The following JAZF1 variants were observed in gnomAD, a reference collection of about 807,000 sequenced individuals.
JAZF1 encodes the protein JAZF zinc finger 1, also known as juxtaposed with another zinc finger protein 1.
Under a neutral mutation model 26.4 loss-of-function variants are expected in JAZF1, and 8 were observed. The observed-to-expected ratio is 0.30, with a 90% CI of 0.18 to 0.55. The LOEUF is 0.55. Among genes scored for constraint, JAZF1 ranks in the 20% least tolerant of loss-of-function variants. The pLI is 0.94. For missense variants in JAZF1, 199 were observed against 322.0 expected, an observed-to-expected ratio of 0.62 and a Z score of 2.92; for synonymous variants, 126 against 122.3, an observed-to-expected ratio of 1.03 and a Z score of -0.20.
At chr7:27,977,332 C>T (rs769001567) in intron 2 of JAZF1, among the ~76,000 whole-genome samples, 5 of 152,150 alleles carry the variant, frequency 3.3e-5, no homozygotes, top group African/African-American at 7.2e-5. Context: ...AAGCCCAAAA[C>T]GTTTCCCAAG....
intron 2 of JAZF1, among the ~76,000 whole-genome samples, chr7:27,980,282 C>T (rs1047660967): frequency 2.6e-5 from 4 of 152,130 alleles, no homozygotes; most frequent in East Asian, 3.9e-4. Context: ...AGAGGCTGTA[C>T]GACACATAGC....
chr7:27,877,237 C>T (rs1353335391), intron 3 of JAZF1, among the ~76,000 whole-genome samples: 1 of 152,202 alleles, frequency 6.6e-6, no homozygotes, highest in Non-Finnish European at 1.5e-5. Flanking sequence ...AAAAATGAAG[C>T]CTGCCCATGG....
At position 27,832,906 on chromosome 7, in the gene JAZF1, T is replaced by C. The variant is rs1162649619; in HGVS notation, c.626A>G (p.Lys209Arg). The C allele has an allele frequency of 3.1e-6, 5 of 1,613,532 alleles. No individual in the cohort carries two copies. The highest frequency in any genetic ancestry group is 2.2e-5 in the East Asian group (1 of 44,872). ...RTQIRVRKPFKCRCGKSYKTA... is the reference protein window; with the variant it reads ...RTQIRVRKPFRCRCGKSYKTA... ...CTTGTAACTCTTCCCACAGCGACAC[T>C]TGAATGGTTTGCGGACACGAATCTG... Residue 209 changes from lysine (K) to arginine (R), a missense_variant, in exon 5 of 5, where the codon AAG becomes AGG. Coordinates refer to ENST00000283928, the MANE Select transcript of JAZF1 (RefSeq NM_175061.4).
intron 1 of JAZF1, among the ~76,000 whole-genome samples, chr7:28,017,063 T>C (rs1782907416): frequency 6.6e-6 from 1 of 152,112 alleles, no homozygotes; most frequent in Non-Finnish European, 1.5e-5. Context: ...AAATATGCCA[T>C]TATCTGGCCG....
chr7:28,123,045 T>C (rs1782630140), intron 1 of JAZF1, among the ~76,000 whole-genome samples: 10 of 152,118 alleles, frequency 6.6e-5, no homozygotes, highest in Admixed American at 6.6e-4. Context: ...GGAAGTTTTT[T>C]CCAACTCCCC....
At chr7:27,853,818 T>C (rs1173117973) in intron 3 of JAZF1, among the ~76,000 whole-genome samples, 1 of 152,148 alleles carries the variant, frequency 6.6e-6, no homozygotes, top group Non-Finnish European at 1.5e-5. Context: ...TTAGAATAAG[T>C]TTGATGAGGT....
chr7:28,010,549 C>T (rs1782783092), intron 1 of JAZF1, among the ~76,000 whole-genome samples: 1 of 152,192 alleles, frequency 6.6e-6, no homozygotes. Context: ...TCCTCACCTG[C>T]TTTTCTGTGG....
chr7:27,916,260 G>GA (rs78835169), intron 2 of JAZF1, among the ~76,000 whole-genome samples: 81 of 142,270 alleles, frequency 5.7e-4, no homozygotes, highest in Middle Eastern at 3.6e-3. Context: ...TCAGGGAAAA[G>GA]AAAAAAAAAA....
intron 1 of JAZF1, among the ~76,000 whole-genome samples, chr7:28,091,007 T>C (rs1293714728): frequency 6.6e-6 from 1 of 151,004 alleles, no homozygotes; most frequent in African/African-American, 2.4e-5. Context: ...TTTGTATTTT[T>C]AGTAGAGACG....
At chr7:27,979,944 C>A (rs1375065727) in intron 2 of JAZF1, among the ~76,000 whole-genome samples, 1 of 152,210 alleles carries the variant, frequency 6.6e-6, no homozygotes, top group Non-Finnish European at 1.5e-5. Context: ...CATAGAGTTT[C>A]CAGCTTCTTC....
At chr7:27,833,111 T>C (rs1463582893) in intron 4 of JAZF1, 135 bp from the exon 5 acceptor site, 3 of 591,026 alleles carry the variant, frequency 5.1e-6, no homozygotes, top group East Asian at 3.0e-5. Flanking sequence ...AGGACTCCAG[T>C]TGGGACCCTT....
intron 1 of JAZF1, among the ~76,000 whole-genome samples, chr7:28,028,866 A>G (rs945364452): frequency 6.6e-6 from 1 of 152,184 alleles, no homozygotes; most frequent in African/African-American, 2.4e-5. Flanking sequence ...AGAAAACTTG[A>G]TATTATACAG....
intron 1 of JAZF1, among the ~76,000 whole-genome samples, chr7:28,059,787 T>C (rs1725864127): frequency 6.6e-6 from 1 of 152,214 alleles, no homozygotes; most frequent in Non-Finnish European, 1.5e-5. Context: ...GAAGACATTG[T>C]CCCACTATTT....
At chr7:27,939,167 T>C (rs1463100215) in intron 2 of JAZF1, among the ~76,000 whole-genome samples, 1 of 152,150 alleles carries the variant, frequency 6.6e-6, no homozygotes, top group Non-Finnish European at 1.5e-5. Flanking sequence ...CAAAATGATA[T>C]GGTTAGAGGC....
At position 27,966,385 on chromosome 7, in the gene JAZF1, T is replaced by C. The variant is rs1036053725; in HGVS notation, c.188+25524A>G. 2.0e-5 allele frequency among the ~76,000 whole-genome samples: 3 copies of C among 152,192 alleles called. No individual in the cohort carries two copies. The South Asian group carries it at 6.2e-4, about 31-fold the overall frequency. On this transcript the variant is annotated intron_variant, in intron 2 of 4. Transcript: ENST00000283928. ...GAAATGAAACCTTGGTTTGTGCAGA[T>C]TGAAGCGGTGATGAGGGAATTGGGG...
intron 1 of JAZF1, among the ~76,000 whole-genome samples, chr7:28,017,726 A>G (rs957361175): frequency 6.6e-6 from 1 of 152,170 alleles, no homozygotes; most frequent in African/African-American, 2.4e-5. Context: ...CATTTTGGTG[A>G]AAAAGACCAG....
chr7:27,964,935 T>C (rs1034626318), intron 2 of JAZF1, among the ~76,000 whole-genome samples: 1 of 152,158 alleles, frequency 6.6e-6, no homozygotes, highest in African/African-American at 2.4e-5. Flanking sequence ...TATTGCGGTA[T>C]CTGTGACAGA....
intron 1 of JAZF1, among the ~76,000 whole-genome samples, chr7:28,085,883 T>C (rs776032429): frequency 2.6e-5 from 4 of 152,240 alleles, no homozygotes; most frequent in Non-Finnish European, 5.9e-5. Context: ...AAACATTTCA[T>C]TTATTTACAC....
intron 1 of JAZF1, among the ~76,000 whole-genome samples, chr7:28,043,421 C>A (rs1783437964): frequency 6.6e-6 from 1 of 152,172 alleles, no homozygotes; most frequent in Admixed American, 6.5e-5. Context: ...GTTCCACCCA[C>A]CTTACGGCCC....
Sources: gnomAD v4.1 joint callset for allele counts (sites outside exome capture counted in the v4.1 genomes callset) on GRCh38, gnomAD v4.1.1 for gene constraint, MANE v1.5 for transcripts, NCBI Gene and HGNC (gene_info 2026-07-23, HGNC 2026-07-21) for gene names.